Variants in C1orf87 observed in about 807,000 individuals in gnomAD.
C1orf87 encodes uncharacterized protein C1orf87.
A neutral mutation model predicts 60.5 loss-of-function variants in C1orf87; 58 were observed. That is an observed-to-expected ratio of 0.96 (90% confidence interval 0.78 to 1.19). C1orf87 has a LOEUF of 1.19. Ranked by LOEUF, C1orf87 falls within the 50% of genes most tolerant of loss-of-function variation. The pLI is 0.00. For synonymous variants in C1orf87, 236 were observed against 227.4 expected (o/e 1.04, Z -0.34); for missense variants, 673 against 638.6 (o/e 1.05, Z -0.58).
At chr1:60,071,364 T>G (rs1440180763) in intron 2 of C1orf87, among the ~76,000 whole-genome samples, 1 of 152,178 alleles carries the variant, frequency 6.6e-6, no homozygotes, top group Non-Finnish European at 1.5e-5. Context: ...ATATGTAGAA[T>G]CTAAGGCCAA....
intron 3 of C1orf87, among the ~76,000 whole-genome samples, chr1:60,051,914 G>C (rs1404753645): frequency 2.6e-5 from 4 of 152,210 alleles, no homozygotes; most frequent in Non-Finnish European, 5.9e-5. Context: ...GCAATTGAGA[G>C]AGGGGTGAGA....
At chr1:60,050,716 A>G (rs1334817576) in intron 3 of C1orf87, among the ~76,000 whole-genome samples, 1 of 152,130 alleles carries the variant, frequency 6.6e-6, no homozygotes, top group Non-Finnish European at 1.5e-5. Flanking sequence ...AACTTCTTCC[A>G]AACTGAAATG....
intron 2 of C1orf87, 31 bp from the exon 3 acceptor site, chr1:60,055,469 T>G: frequency 6.3e-7 from 1 of 1,589,308 alleles, no homozygotes; most frequent in Non-Finnish European, 8.6e-7. Context: ...ACTTTGTTAC[T>G]TACAGGCAGA....
intron 3 of C1orf87, among the ~76,000 whole-genome samples, chr1:60,045,162 G>A (rs113095076): frequency 1.1e-3 from 170 of 152,316 alleles, no homozygotes; most frequent in African/African-American, 3.9e-3. Flanking sequence ...AGCATTAAAT[G>A]CAGATGTGAA....
intron 7 of C1orf87, among the ~76,000 whole-genome samples, chr1:60,029,057 C>A (rs1046610910): frequency 6.6e-6 from 1 of 152,164 alleles, no homozygotes; most frequent in Non-Finnish European, 1.5e-5. Flanking sequence ...CCCAGATCAA[C>A]GTGTTCAAAA....
rs769290347 is a variant in C1orf87 at position 59,997,834 on chromosome 1, G to A, written c.1273-18C>T. ...GGAGTTTTCTACCAAAACAACAAAA[G>A]CATTGGCAACACATTCACCACCCAG... On this transcript the variant is annotated intron_variant, in intron 10 of 11. Transcript: ENST00000371201. 1.1e-5 allele frequency: 17 copies of A among 1,609,694 alleles called. No individual in the cohort carries two copies. In the Admixed American group the frequency reaches 2.2e-4, roughly 21 times the overall value.
intron 2 of C1orf87, among the ~76,000 whole-genome samples, chr1:60,070,457 G>A (rs1251018746): frequency 6.6e-6 from 1 of 152,152 alleles, no homozygotes; most frequent in Non-Finnish European, 1.5e-5. Flanking sequence ...TGGTTTATGA[G>A]TATAAACACT....
intron 2 of C1orf87, among the ~76,000 whole-genome samples, chr1:60,059,588 C>A (rs1017037527): frequency 6.6e-6 from 1 of 152,166 alleles, no homozygotes; most frequent in Non-Finnish European, 1.5e-5. Flanking sequence ...GCATCCTCTG[C>A]CCAAAGCAAG....
At chr1:60,042,933 A>T (rs757201301) in intron 3 of C1orf87, among the ~76,000 whole-genome samples, 1 of 152,150 alleles carries the variant, frequency 6.6e-6, no homozygotes, top group Non-Finnish European at 1.5e-5. Context: ...CCTGATCTGG[A>T]CTTGGTGGTC....
chr1:59,998,247 T>C (rs1229068928), intron 10 of C1orf87, among the ~76,000 whole-genome samples: 1 of 152,132 alleles, frequency 6.6e-6, no homozygotes, highest in Admixed American at 6.5e-5. Context: ...AATAATGATG[T>C]TATCTTAGGC....
Position 60,024,492 on chromosome 1 carries a change from C to A in C1orf87, c.1127+909G>T, listed in dbSNP as rs570997354. ...TTCTACCTCTTTCTTTTGGTGTTAC[C>A]TTTCCTGGCCTTGGGTAGTTTCCTC... On this transcript the variant is annotated intron_variant, in intron 8 of 11. Coordinates refer to ENST00000371201, the MANE Select transcript of C1orf87 (RefSeq NM_152377.3). Among the ~76,000 whole-genome samples the A allele has an allele frequency of 7.9e-5, 12 of 152,238 alleles. No individual in the cohort carries two copies. The South Asian group carries it at 2.3e-3, about 29-fold the overall frequency.
At chr1:60,001,802 G>A (rs111392836) in intron 9 of C1orf87, among the ~76,000 whole-genome samples, 5 of 152,214 alleles carry the variant, frequency 3.3e-5, no homozygotes, top group South Asian at 2.1e-4. Flanking sequence ...TCAATGGTCG[G>A]TGGTACTGGA....
At chr1:60,002,706 C>T (rs1645014400) in intron 9 of C1orf87, among the ~76,000 whole-genome samples, 1 of 152,038 alleles carries the variant, frequency 6.6e-6, no homozygotes, top group Admixed American at 6.6e-5. Context: ...AAGTCCTTGC[C>T]CGTGCCTATG....
At chr1:60,034,292 C>T (rs974565231) in intron 6 of C1orf87, among the ~76,000 whole-genome samples, 1 of 152,188 alleles carries the variant, frequency 6.6e-6, no homozygotes, top group African/African-American at 2.4e-5. Context: ...TGAAAAACAA[C>T]AGGGTGAGAT....
At chr1:60,069,341 T>C (rs1292867036) in intron 2 of C1orf87, among the ~76,000 whole-genome samples, 1 of 152,166 alleles carries the variant, frequency 6.6e-6, no homozygotes, top group Non-Finnish European at 1.5e-5. Flanking sequence ...GTTCTGTTTC[T>C]AACAAGTTCC....
intron 8 of C1orf87, among the ~76,000 whole-genome samples, chr1:60,014,190 A>G (rs1411815924): frequency 1.3e-5 from 2 of 152,122 alleles, no homozygotes. Flanking sequence ...AGATGTGGGG[A>G]ACCAGAGTGC....
rs1645320374 is a variant in C1orf87 at position 60,041,027 on chromosome 1, C to A, written c.447G>T (p.Leu149Phe). The A allele has an allele frequency of 6.2e-7, 1 of 1,613,378 alleles. No homozygotes were observed. Among genetic ancestry groups the A allele is most frequent in the African/African-American group, 1.3e-5 (1 of 74,996 alleles). ...IPRRKLRDWS[L>F]EQMVRGSSDQ... The stretch of plus-strand genomic sequence containing the variant: ...CAGAGCTGCCTCTCACCATCTGTTC[C>A]AAGGACCAGTCTCTAAGCTTTCTCC... The change falls in exon 4 of 12, where the codon TTG becomes TTT. Residue 149 changes from leucine to phenylalanine, a missense_variant. Leu to Phe is a conservative substitution (Grantham distance 22, BLOSUM62 0). Transcript: ENST00000371201.
At chr1:60,052,635 C>T (rs2100314721) in intron 3 of C1orf87, among the ~76,000 whole-genome samples, 1 of 152,368 alleles carries the variant, frequency 6.6e-6, no homozygotes, top group South Asian at 2.1e-4. Context: ...ACTTGCTCGT[C>T]CTCAAGCATG....
chr1:60,055,421 A>T lies in C1orf87; in HGVS notation c.125T>A (p.Leu42Ter). 6.2e-7 allele frequency: 1 copy of T among 1,614,032 alleles called. No homozygotes were observed. Among genetic ancestry groups the T allele is most frequent in the Non-Finnish European group, 8.5e-7 (1 of 1,179,964 alleles). ...EKPKIKENDS[L>*]KTETQTMHQK... The stretch of plus-strand genomic sequence containing the variant: ...GTGCATTGTTTGGGTTTCTGTTTTC[A>T]AGCTGTCATTCTCCTTGCTGTGAAG... The change falls in exon 3 of 12, where the codon TTG (leucine) becomes TAG (stop). Residue 42 changes from leucine (L) to a stop codon, truncating the protein, a stop_gained. Coordinates refer to ENST00000371201, the MANE Select transcript of C1orf87 (RefSeq NM_152377.3). LOFTEE classifies it high-confidence loss of function.
Sources: gnomAD v4.1 joint callset for allele counts (sites outside exome capture counted in the v4.1 genomes callset) on GRCh38, gnomAD v4.1.1 for gene constraint, MANE v1.5 for transcripts, NCBI Gene and HGNC (gene_info 2026-07-23, HGNC 2026-07-21) for gene names.